RGS5: variants seen among roughly 807,000 people sequenced by gnomAD.
RGS5 encodes regulator of G-protein signalling 5.
In RGS5, 20 loss-of-function variants were observed where a neutral mutation model predicts 18.9. The observed-to-expected ratio is 1.06, with a 90% CI of 0.74 to 1.54. The LOEUF (loss-of-function observed/expected upper bound fraction) is 1.54. RGS5 is among the 40% of genes most tolerant of loss of function. RGS5 has a pLI of 0.00. For missense variants in RGS5, 201 were observed against 211.8 expected, an observed-to-expected ratio of 0.95 and a Z score of 0.32; for synonymous variants, 57 against 76.2, an observed-to-expected ratio of 0.75 and a Z score of 1.31.
rs117775330 is a variant in RGS5 at position 163,148,467 on chromosome 1, C to T, written c.385-964G>A. Among the ~76,000 whole-genome samples the T allele has an allele frequency of 4.9e-3, 751 of 152,288 alleles. 15 individuals are homozygous for T. The East Asian group carries it at 0.072, about 15-fold the overall frequency. On this transcript the variant is annotated intron_variant, in intron 4 of 4. Transcript: ENST00000313961. ...CTCGGTCGGTGCCAGGCACTTTGCACGGATGAACTCATTTAATCTTATAAC... is the reference window on the plus strand; with the variant it reads ...CTCGGTCGGTGCCAGGCACTTTGCATGGATGAACTCATTTAATCTTATAAC...
chr1:163,305,399 G>A lies in RGS5; in HGVS notation c.-281+834C>T, dbSNP rs149008694. ...CATCCCTGCTGCAATCTTTTTTTCC[G>A]TGTGGGGGTTCCCTCTCTTTGCCCT... On this transcript the variant is annotated intron_variant, in intron 2 of 5. Coordinates refer to the RGS5 transcript ENST00000618415. 21 of 152,452 alleles carry A rather than the reference G, an allele frequency of 1.4e-4. 1 individual carries two copies. The highest frequency in any genetic ancestry group is 1.9e-4 in the East Asian group (1 of 5,172). The allele number at this position is 152,452 out of a possible 1,614,324, so 9.4% of individuals were successfully genotyped here.
chr1:163,151,920 C>T (rs1644895721), intron 4 of RGS5, among the ~76,000 whole-genome samples: 1 of 152,096 alleles, frequency 6.6e-6, no homozygotes, highest in African/African-American at 2.4e-5. Flanking sequence ...GATAAGATAT[C>T]TTAATATGAG....
intron 3 of RGS5, among the ~76,000 whole-genome samples, chr1:163,154,568 A>G (rs2102385570): frequency 6.6e-6 from 1 of 152,200 alleles, no homozygotes; most frequent in East Asian, 1.9e-4. Flanking sequence ...AAAGAAGGGA[A>G]AAGGAAAACA....
At chr1:163,155,625 A>G (rs983522780) in intron 3 of RGS5, among the ~76,000 whole-genome samples, 1 of 152,004 alleles carries the variant, frequency 6.6e-6, no homozygotes, top group African/African-American at 2.4e-5. Context: ...TTTAGTTCCT[A>G]TCACCCCTGC....
chr1:163,159,627 GTCCCTT>G (rs1384475883), intron 3 of RGS5, among the ~76,000 whole-genome samples: 2 of 152,076 alleles, frequency 1.3e-5, no homozygotes, highest in Admixed American at 6.6e-5. Flanking sequence ...ATGGATTAGT[GTCCCTT>G]TCAAGGAAAG....
At chr1:163,162,054 C>T (rs1030842163) in intron 2 of RGS5, 78 bp from the exon 3 acceptor site, 9 of 950,980 alleles carry the variant, frequency 9.5e-6, no homozygotes, top group Admixed American at 5.2e-5. Context: ...TAACTACTTC[C>T]TGTTTCTCTT....
chr1:163,315,945 A>G (rs1407715069), intron 1 of RGS5, among the ~76,000 whole-genome samples: 1 of 152,148 alleles, frequency 6.6e-6, no homozygotes, highest in Admixed American at 6.5e-5. Context: ...AAACTTTCAA[A>G]CTATGTAAGG....
At chr1:163,177,693 C>T (rs757756778) in intron 1 of RGS5, among the ~76,000 whole-genome samples, 8 of 152,134 alleles carry the variant, frequency 5.3e-5, no homozygotes, top group South Asian at 2.1e-4. Flanking sequence ...CCCCTCTCCA[C>T]GGCAAACACG....
chr1:163,296,337 C>A (rs1006857835), intron 2 of RGS5, among the ~76,000 whole-genome samples: 1 of 152,106 alleles, frequency 6.6e-6, no homozygotes, highest in African/African-American at 2.4e-5. Context: ...TAACTGACCC[C>A]GAATTCTTCT....
chr1:163,177,043 C>T lies in RGS5; in HGVS notation c.45-8675G>A, dbSNP rs1044041515. 7.2e-5 allele frequency among the ~76,000 whole-genome samples: 11 copies of T among 152,312 alleles called. No homozygotes were observed. The East Asian group carries it at 2.1e-3, about 29-fold the overall frequency. ...ATAGAGATCGAAATCAGATGCTTTGCCAACTAGCAGGACGCGTGCTAGAAG... is the reference window on the plus strand; with the variant it reads ...ATAGAGATCGAAATCAGATGCTTTGTCAACTAGCAGGACGCGTGCTAGAAG... On this transcript the variant is annotated intron_variant, in intron 1 of 4. Coordinates refer to ENST00000313961, the MANE Select transcript of RGS5 (RefSeq NM_003617.4).
intron 1 of RGS5, among the ~76,000 whole-genome samples, chr1:163,208,753 C>T (rs965516500): frequency 1.3e-5 from 2 of 151,886 alleles, no homozygotes; most frequent in Non-Finnish European, 2.9e-5. Context: ...TTAAAAGCCA[C>T]AACTTAAAAT....
At chr1:163,210,131 A>C (rs2101670205) in intron 1 of RGS5, among the ~76,000 whole-genome samples, 1 of 152,004 alleles carries the variant, frequency 6.6e-6, no homozygotes, top group South Asian at 2.1e-4. Flanking sequence ...CTAGGACTAC[A>C]GATATGCACC....
intron 2 of RGS5, among the ~76,000 whole-genome samples, chr1:163,297,367 T>C (rs1649446886): frequency 1.3e-5 from 2 of 152,156 alleles, no homozygotes; most frequent in African/African-American, 2.4e-5. Context: ...CACACGAAGA[T>C]TGTGAGTTAT....
intron 1 of RGS5, chr1:163,217,441 C>A: frequency 7.3e-7 from 1 of 1,367,218 alleles, no homozygotes; most frequent in Non-Finnish European, 9.6e-7. Flanking sequence ...TATTGGCATC[C>A]TTCCACAAAA....
At chr1:163,246,537 C>T (rs1647944255) in intron 2 of RGS5, among the ~76,000 whole-genome samples, 1 of 152,172 alleles carries the variant, frequency 6.6e-6, no homozygotes, top group Admixed American at 6.5e-5. Context: ...TGCCACTGCA[C>T]TCCAGCCTGG....
chr1:163,185,649 A>T (rs1659038227), intron 1 of RGS5, among the ~76,000 whole-genome samples: 1 of 152,152 alleles, frequency 6.6e-6, no homozygotes, highest in Non-Finnish European at 1.5e-5. Context: ...ATGATTCCTG[A>T]TGCTTTCCAG....
At chr1:163,168,926 T>C (rs1020601605) in intron 1 of RGS5, among the ~76,000 whole-genome samples, 2 of 152,116 alleles carry the variant, frequency 1.3e-5, no homozygotes, top group Admixed American at 1.3e-4. Flanking sequence ...GTTTGTTACA[T>C]ATGTATACAT....
chr1:163,154,335 C>T (rs1571213365), intron 3 of RGS5, among the ~76,000 whole-genome samples: 1 of 152,172 alleles, frequency 6.6e-6, no homozygotes, highest in Middle Eastern at 3.4e-3. Context: ...TTCTCATACC[C>T]TTCACAGTAC....
intron 2 of RGS5, among the ~76,000 whole-genome samples, chr1:163,278,708 C>A (rs1469520673): frequency 6.6e-6 from 1 of 152,036 alleles, no homozygotes; most frequent in African/African-American, 2.4e-5. Context: ...TCAATAACAA[C>A]CTGGAATGTA....
Sources: gnomAD v4.1 joint callset for allele counts (sites outside exome capture counted in the v4.1 genomes callset) on GRCh38, gnomAD v4.1.1 for gene constraint, MANE v1.5 for transcripts, NCBI Gene and HGNC (gene_info 2026-07-23, HGNC 2026-07-21) for gene names.